The following DTNB variants were observed in gnomAD, a reference collection of about 807,000 sequenced individuals.
DTNB encodes the protein dystrobrevin beta, also known as DTN-B.
A neutral mutation model predicts 90.7 loss-of-function variants in DTNB; 63 were observed. The observed-to-expected ratio is 0.69, with a 90% confidence interval of 0.57 to 0.86. The LOEUF is 0.86. Ranked by LOEUF, DTNB falls within the 40% of genes least tolerant of loss-of-function variation. DTNB has a pLI of 0.00. For missense variants in DTNB, 744 were observed against 807.1 expected (o/e 0.92, Z 0.95); for synonymous variants, 277 against 286.7 (o/e 0.97, Z 0.34).
At chr2:25,432,212 C>T (rs1479179852) in intron 14 of DTNB, among the ~76,000 whole-genome samples, 9 of 118,160 alleles carry the variant, frequency 7.6e-5, no homozygotes, top group East Asian at 1.7e-3. Context: ...TGCGTACACA[C>T]ACACACACAC....
intron 10 of DTNB, among the ~76,000 whole-genome samples, chr2:25,474,540 C>T (rs958518785): frequency 6.6e-6 from 1 of 151,992 alleles, no homozygotes; most frequent in African/African-American, 2.4e-5. Flanking sequence ...CTCTATTGTC[C>T]TTGGTCTTAA....
chr2:25,497,799 C>T (rs2069317090), intron 9 of DTNB: 1 of 152,162 alleles, frequency 6.6e-6, no homozygotes, highest in Admixed American at 6.5e-5. Context: ...AAACTGTGTT[C>T]CTGGTTTCTA....
At chr2:25,664,948 TG>T in intron 1 of DTNB, among the ~76,000 whole-genome samples, 1 of 152,364 alleles carries the variant, frequency 6.6e-6, no homozygotes, top group African/African-American at 2.4e-5. Flanking sequence ...ACTGTGGTGC[TG>T]GATCAGACCT....
intron 16 of DTNB, among the ~76,000 whole-genome samples, chr2:25,389,420 A>T (rs2040463161): frequency 6.6e-6 from 1 of 152,242 alleles, no homozygotes; most frequent in South Asian, 2.1e-4. Context: ...CCCCGCGGGG[A>T]CGAGGTGAGA....
rs144142198 is a variant in DTNB, at chr2:25,668,131, C to T, written c.-2+5255G>A. ...GCGGACGCCTGTAGTCCCAGCTACT[C>T]GGGAGGCTGAGGCAGGAGAATGGTG... On this transcript the variant is annotated intron_variant, in intron 1 of 20. Transcript: ENST00000406818. 2.4e-3 allele frequency among the ~76,000 whole-genome samples: 361 copies of T among 152,056 alleles called. 1 individual carries two copies. The highest frequency in any genetic ancestry group is 7.1e-3 in the African/African-American group (295 of 41,440).
At chr2:25,490,732 A>T (rs116926063) in intron 9 of DTNB, among the ~76,000 whole-genome samples, 1 of 152,212 alleles carries the variant, frequency 6.6e-6, no homozygotes, top group African/African-American at 2.4e-5. Context: ...CTCAGCATAT[A>T]GAAGATAACA....
chr2:25,386,170 C>G, intron 18 of DTNB: 2 of 951,442 alleles, frequency 2.1e-6, no homozygotes, highest in Non-Finnish European at 2.5e-6. Flanking sequence ...CCTTAACTGA[C>G]TGGAAAGACG....
chr2:25,580,520 CA>C (rs367833124), intron 7 of DTNB, among the ~76,000 whole-genome samples, 200 bp downstream of exon 7: 8,647 of 112,194 alleles, frequency 0.077, 721 homozygotes, highest in African/African-American at 0.24. Context: ...GACTCTGTCT[CA>C]AAAAAAAAAA....
chr2:25,464,105 C>T (rs950970199), intron 10 of DTNB, among the ~76,000 whole-genome samples: 5 of 152,190 alleles, frequency 3.3e-5, no homozygotes, highest in Non-Finnish European at 5.9e-5. Flanking sequence ...GTTGGGGTTT[C>T]GCCATGTTGG....
chr2:25,649,858 G>A, intron 2 of DTNB: 1 of 209,308 alleles, frequency 4.8e-6, no homozygotes, highest in Non-Finnish European at 8.3e-6. Context: ...ACTGAATAAT[G>A]GCTGGAAAAA....
At chr2:25,484,190 A>T (rs2065638573) in intron 9 of DTNB, among the ~76,000 whole-genome samples, 1 of 152,176 alleles carries the variant, frequency 6.6e-6, no homozygotes, top group African/African-American at 2.4e-5. Context: ...ACAACACAAA[A>T]TTGTCTAACA....
chr2:25,533,715 T>C (rs907366006), intron 8 of DTNB, among the ~76,000 whole-genome samples: 2 of 152,240 alleles, frequency 1.3e-5, no homozygotes, highest in African/African-American at 4.8e-5. Context: ...GGTCTCTGTA[T>C]CTTGGCATGT....
At chr2:25,414,400 G>A (rs111796703) in intron 16 of DTNB, among the ~76,000 whole-genome samples, 357 of 152,282 alleles carry the variant, frequency 2.3e-3, no homozygotes, top group African/African-American at 8.0e-3. Flanking sequence ...GGGACTACAG[G>A]TGCACAACCA....
intron 16 of DTNB, among the ~76,000 whole-genome samples, chr2:25,417,777 C>T (rs1000343743): frequency 1.3e-5 from 2 of 152,174 alleles, no homozygotes; most frequent in African/African-American, 2.4e-5. Flanking sequence ...TACTTCATAA[C>T]AAGGGGATGA....
At chr2:25,473,385 T>C (rs1474128763) in intron 10 of DTNB, among the ~76,000 whole-genome samples, 1 of 152,168 alleles carries the variant, frequency 6.6e-6, no homozygotes, top group Non-Finnish European at 1.5e-5. Flanking sequence ...TGGAAGCAAC[T>C]ACAATGAGTC....
intron 10 of DTNB, among the ~76,000 whole-genome samples, chr2:25,456,897 C>T (rs1220890483): frequency 6.6e-6 from 1 of 152,076 alleles, no homozygotes; most frequent in Non-Finnish European, 1.5e-5. Context: ...TCAAACTCTC[C>T]TACCTTTGGC....
chr2:25,494,421 G>A (rs1018193209), intron 9 of DTNB, among the ~76,000 whole-genome samples: 2 of 135,614 alleles, frequency 1.5e-5, no homozygotes, highest in Admixed American at 1.7e-4. Context: ...CCCCAATTCA[G>A]GACTACTAGC....
rs1364772223 is a variant in DTNB, at chr2:25,596,115, GCT to G, written c.572_573del (p.Glu191AlafsTer25). 2 of 1,612,700 alleles carry G rather than the reference GCT, an allele frequency of 1.2e-6. No individual in the cohort carries two copies. The highest frequency in any genetic ancestry group is 1.7e-6 in the Non-Finnish European group (2 of 1,179,448). ...TGTGGAAAACAGGTGCGGACTGAGTGCTCTGTGTAACCAAAAGATGGCCCTTC... is the reference window on the plus strand; with the variant it reads ...TGTGGAAAACAGGTGCGGACTGAGTGCTGTGTAACCAAAAGATGGCCCTTC... ...VFEGPSFGYT[E>X]HSVRTCFPQQ... On this transcript the variant is annotated frameshift_variant, in exon 6 of 21. Coordinates refer to ENST00000406818, the MANE Select transcript of DTNB (RefSeq NM_021907.5). LOFTEE classifies it high-confidence loss of function.
intron 9 of DTNB, among the ~76,000 whole-genome samples, chr2:25,510,042 T>C (rs13395619): frequency 0.011 from 1,673 of 152,100 alleles, 39 homozygotes; most frequent in African/African-American, 0.039. Flanking sequence ...TGAGCCACCA[T>C]GCCCGGCCTA....
Sources: gnomAD v4.1 joint callset for allele counts (sites outside exome capture counted in the v4.1 genomes callset) on GRCh38, gnomAD v4.1.1 for gene constraint, MANE v1.5 for transcripts, NCBI Gene and HGNC (gene_info 2026-07-23, HGNC 2026-07-21) for gene names.